Variants in FILIP1L observed in about 807,000 individuals in gnomAD.
FILIP1L encodes the protein filamin A interacting protein 1 like, also known as filamin A-interacting protein 1-like.
In FILIP1L, 55 loss-of-function variants were observed where a neutral mutation model predicts 96.6. The ratio of observed to expected loss-of-function variants is 0.57; its 90% CI spans 0.46 to 0.71. FILIP1L has a LOEUF of 0.71. Ranked by LOEUF, FILIP1L falls within the 30% of genes least tolerant of loss-of-function variation. The probability of loss-of-function intolerance (pLI) is 0.00; values close to 1 mark genes in which losing one functional copy is unlikely to be tolerated. For synonymous variants in FILIP1L, 467 were observed against 473.9 expected (o/e 0.99, Z 0.19); for missense variants, 1,304 against 1,321.2 (o/e 0.99, Z 0.20).
chr3:99,937,643 T>TTA (rs1707720973), intron 1 of FILIP1L, among the ~76,000 whole-genome samples: 1 of 152,222 alleles, frequency 6.6e-6, no homozygotes, highest in Non-Finnish European at 1.5e-5. Flanking sequence ...GTTGTTAATG[T>TTA]GTGTATCCCC....
intron 1 of FILIP1L, among the ~76,000 whole-genome samples, chr3:100,027,165 C>A (rs1255026018): frequency 6.6e-6 from 1 of 152,146 alleles, no homozygotes; most frequent in Non-Finnish European, 1.5e-5. Flanking sequence ...TCCACCTTCT[C>A]TGCTTTTTGT....
At chr3:99,904,069 C>T (rs1706531571) in intron 4 of FILIP1L, among the ~76,000 whole-genome samples, 1 of 152,166 alleles carries the variant, frequency 6.6e-6, no homozygotes, top group South Asian at 2.1e-4. Context: ...TCTGATTGGA[C>T]CTTAAAATCT....
intron 1 of FILIP1L, among the ~76,000 whole-genome samples, chr3:100,085,193 G>T (rs2065988742): frequency 6.6e-6 from 1 of 152,234 alleles, no homozygotes; most frequent in South Asian, 2.1e-4. Flanking sequence ...AGTATCTAAG[G>T]TGATTATACC....
At chr3:100,091,668 T>G (rs1020739892) in intron 1 of FILIP1L, among the ~76,000 whole-genome samples, 5 of 152,232 alleles carry the variant, frequency 3.3e-5, no homozygotes, top group Admixed American at 2.6e-4. Flanking sequence ...CACTTGAGTA[T>G]CCCAAATTCC....
rs993131337 is a variant in FILIP1L, at chr3:100,076,478, T to G, written c.-11+37575A>C. Among the ~76,000 whole-genome samples, 19 of 152,348 alleles carry G rather than the reference T, an allele frequency of 1.2e-4. No homozygotes were observed. The East Asian group carries it at 3.7e-3, about 29-fold the overall frequency. On this transcript the variant is annotated intron_variant, in intron 1 of 5. Transcript: ENST00000477258. Reference sequence around the variant, plus strand: ...GGACAGCTTCACATCTACTTTATGCTTTGCTATTTCTGTTATATTGCAAAA... The same window carrying G: ...GGACAGCTTCACATCTACTTTATGCGTTGCTATTTCTGTTATATTGCAAAA...
At chr3:100,065,499 G>A (rs535227584) in intron 1 of FILIP1L, among the ~76,000 whole-genome samples, 1 of 152,210 alleles carries the variant, frequency 6.6e-6, no homozygotes, top group African/African-American at 2.4e-5. Flanking sequence ...ATCTACCCGT[G>A]GCTGCCTCAT....
At chr3:100,071,083 A>ACT (rs774189358) in intron 1 of FILIP1L, among the ~76,000 whole-genome samples, 39 of 87,088 alleles carry the variant, frequency 4.5e-4, no homozygotes, top group African/African-American at 1.9e-3. Context: ...AAGAGAAGCT[A>ACT]CTCTCTCTTT....
At chr3:100,010,225 T>C (rs1253624778) in intron 1 of FILIP1L, 9 of 642,808 alleles carry the variant, frequency 1.4e-5, no homozygotes, top group Non-Finnish European at 1.7e-5. Flanking sequence ...CTGTCATTTT[T>C]GTGATTTCTC....
intron 4 of FILIP1L, among the ~76,000 whole-genome samples, chr3:99,910,479 C>T (rs1379104380): frequency 2.9e-5 from 4 of 136,448 alleles, no homozygotes; most frequent in Admixed American, 7.8e-5. Context: ...TTAAAGTAAA[C>T]AAACACATGT....
intron 1 of FILIP1L, among the ~76,000 whole-genome samples, chr3:100,058,398 T>A (rs996321700): frequency 1.5e-4 from 23 of 152,208 alleles, no homozygotes; most frequent in African/African-American, 5.5e-4. Context: ...TAAAATGAGA[T>A]CACCTCTGAA....
intron 1 of FILIP1L, among the ~76,000 whole-genome samples, chr3:100,067,833 C>T (rs563824557): frequency 6.6e-6 from 1 of 152,002 alleles, no homozygotes; most frequent in South Asian, 2.1e-4. Context: ...TAATGGCCAC[C>T]CAGGAGGACT....
At chr3:99,971,621 T>C (rs1447767440) in intron 1 of FILIP1L, among the ~76,000 whole-genome samples, 2 of 152,192 alleles carry the variant, frequency 1.3e-5, no homozygotes, top group African/African-American at 2.4e-5. Context: ...CTGATCTAAG[T>C]TGGTACCAGA....
chr3:100,021,436 G>A (rs1159111312), intron 1 of FILIP1L, among the ~76,000 whole-genome samples: 6 of 152,076 alleles, frequency 3.9e-5, no homozygotes, highest in Admixed American at 3.9e-4. Context: ...AGACACTTTG[G>A]GAGAGGAGGA....
At position 99,861,446 on chromosome 3, in the gene FILIP1L, C is replaced by G. The variant is rs527953080; in HGVS notation, c.606-10376G>C. Reference sequence around the variant, plus strand: ...CCTAGTTCATGGCATACAGAGCTGCCTTTACACCTAGCATTGTGATGGTGC... The same window carrying G: ...CCTAGTTCATGGCATACAGAGCTGCGTTTACACCTAGCATTGTGATGGTGC... On this transcript the variant is annotated intron_variant, in intron 4 of 5. Transcript: ENST00000477258. 5.3e-5 allele frequency among the ~76,000 whole-genome samples: 8 copies of G among 152,314 alleles called. No individual in the cohort carries two copies. In the East Asian group the frequency reaches 1.5e-3, roughly 29 times the overall value.
At position 99,849,695 on chromosome 3, in the gene FILIP1L, G is replaced by A. The variant is rs771815841; in HGVS notation, c.1981C>T (p.Arg661Ter). The A allele has an allele frequency of 1.9e-6, 3 of 1,613,426 alleles. No individual in the cohort carries two copies. Among genetic ancestry groups the A allele is most frequent in the South Asian group, 1.1e-5 (1 of 91,000 alleles). The change falls in exon 5 of 6, where the codon CGA becomes TGA. Residue 661 changes from arginine (R) to a stop codon, truncating the protein, a stop_gained. Coordinates refer to ENST00000477258, the MANE Select transcript of FILIP1L (RefSeq NM_001387850.1). LOFTEE classifies it high-confidence loss of function. ...TTGTCTCGTTCATTAGCATACCTTC[G>A]TTCTAGAGTCTCATATTCATCTTCT... is the stretch of plus-strand genomic sequence containing the variant. The part of the protein sequence containing the change: ...KTEDEYETLE[R>*]RYANERDKAQ...
intron 1 of FILIP1L, among the ~76,000 whole-genome samples, chr3:100,056,158 G>T (rs1317162797): frequency 6.6e-6 from 1 of 152,188 alleles, no homozygotes; most frequent in African/African-American, 2.4e-5. Flanking sequence ...CTACATAGGT[G>T]CATTTTACAT....
In FILIP1L at chr3:100,033,157, G is replaced by A. The variant is rs185542887; in HGVS notation, c.-11+80896C>T. On this transcript the variant is annotated intron_variant, in intron 1 of 5. Transcript: ENST00000477258. Reference sequence around the variant, plus strand: ...AATTTTACTCTGTGGTTACTGTATGGTAATGGAATTATTTTGGCCCCTTAA... The same window carrying A: ...AATTTTACTCTGTGGTTACTGTATGATAATGGAATTATTTTGGCCCCTTAA... Among the ~76,000 whole-genome samples, 174 of 152,236 alleles carry A rather than the reference G, an allele frequency of 1.1e-3. 5 individuals carry two copies. The highest frequency in any genetic ancestry group is 0.011 in the Admixed American group (173 of 15,288).
At chr3:99,946,099 T>C (rs570611928) in intron 1 of FILIP1L, among the ~76,000 whole-genome samples, 2 of 152,354 alleles carry the variant, frequency 1.3e-5, no homozygotes, top group Admixed American at 6.5e-5. Context: ...TTTATGATAG[T>C]CATTCTCAAC....
In FILIP1L at chr3:100,097,039, AAGC is replaced by A. The variant is rs2066221897; in HGVS notation, c.-11+17011_-11+17013del. On this transcript the variant is annotated intron_variant, in intron 1 of 5. Transcript: ENST00000477258. The stretch of plus-strand genomic sequence containing the variant: ...GTGGCCTGTTAGGAACCAGGCCACA[AAGC>A]AGGAGGTGAGCAGCAGGCAAGCCAG... Among the ~76,000 whole-genome samples, 10 of 152,324 alleles carry A rather than the reference AAGC, an allele frequency of 6.6e-5. No individual in the cohort carries two copies. The South Asian group carries it at 2.1e-3, about 32-fold the overall frequency.
Sources: allele counts gnomAD v4.1 joint callset (sites outside exome capture counted in the v4.1 genomes callset), GRCh38; gene constraint gnomAD v4.1.1; transcripts MANE v1.5; gene names NCBI Gene and HGNC (gene_info 2026-07-23, HGNC 2026-07-21).